Variants in ATG7 observed in about 807,000 individuals in gnomAD.
ATG7 encodes the protein ubiquitin-like modifier-activating enzyme ATG7.
In ATG7, 70 loss-of-function variants were observed where a neutral mutation model predicts 82.4. The observed-to-expected ratio is 0.85, with a 90% CI of 0.70 to 1.04. The LOEUF is 1.04. Ranked by LOEUF, ATG7 falls within the 50% of genes least tolerant of loss-of-function variation. ATG7 has a pLI of 0.00. For missense variants in ATG7, 792 were observed against 864.3 expected (o/e 0.92, Z 1.05); for synonymous variants, 287 against 313.0 (o/e 0.92, Z 0.88).
chr3:11,573,216 G>A, the ATG7 span, among the ~76,000 whole-genome samples: 2 of 145,766 alleles, frequency 1.4e-5, no homozygotes, highest in Admixed American at 1.4e-4. Context: ...AAGAGAGAGA[G>A]AGAAAGACAG....
chr3:11,539,128 C>G (rs975767074), intron 20 of ATG7, among the ~76,000 whole-genome samples: 1 of 150,400 alleles, frequency 6.6e-6, no homozygotes, highest in Non-Finnish European at 1.5e-5. Context: ...AAGTTGTGTT[C>G]TCCATCATTG....
chr3:11,372,815 T>TGCGCGCGTGTGCGTGTGTGTGC (rs1286965295), intron 18 of ATG7, among the ~76,000 whole-genome samples: 4 of 79,870 alleles, frequency 5.0e-5, no homozygotes, highest in Non-Finnish European at 5.8e-5. Flanking sequence ...TGTGTGTGTG[T>TGCGCGCGTGTGCGTGTGTGTGC]GCGCGCGTGT....
At chr3:11,559,265 C>T (rs2072743016), downstream of ATG7, 19 of 1,466,214 alleles carry the variant, frequency 1.3e-5, no homozygotes, top group South Asian at 2.5e-4. Context: ...CAGCCAACAG[C>T]ATGACAGAGA....
chr3:11,313,096 G>A (rs926261865), intron 7 of ATG7, among the ~76,000 whole-genome samples: 1 of 152,182 alleles, frequency 6.6e-6, no homozygotes, highest in African/African-American at 2.4e-5. Flanking sequence ...CATATTATTA[G>A]TGGTGGTATA....
At chr3:11,465,269 A>G (rs2086715366) in intron 20 of ATG7, among the ~76,000 whole-genome samples, 1 of 151,612 alleles carries the variant, frequency 6.6e-6, no homozygotes, top group Non-Finnish European at 1.5e-5. Context: ...ACACGGTGAA[A>G]CCCCATCTCT....
chr3:11,298,956 A>G, intron 4 of ATG7, 101 bp downstream of exon 4: 9 of 1,303,480 alleles, frequency 6.9e-6, no homozygotes, highest in Non-Finnish European at 9.6e-6. Context: ...CTTGTCTTTT[A>G]TAATCAGTGC....
the ATG7 span, among the ~76,000 whole-genome samples, chr3:11,572,447 G>A: frequency 6.6e-6 from 1 of 152,178 alleles, no homozygotes; most frequent in African/African-American, 2.4e-5. Flanking sequence ...TCTCATATTT[G>A]CTTCGGGCCT....
At chr3:11,289,273 A>G (rs536617142) in intron 3 of ATG7, among the ~76,000 whole-genome samples, 1 of 152,140 alleles carries the variant, frequency 6.6e-6, no homozygotes, top group South Asian at 2.1e-4. Flanking sequence ...CACATGAATA[A>G]CTCTGTCTAT....
chr3:11,492,995 G>T (rs886133940), intron 20 of ATG7, among the ~76,000 whole-genome samples: 1 of 152,262 alleles, frequency 6.6e-6, no homozygotes, highest in African/African-American at 2.4e-5. Flanking sequence ...GTCACATGGG[G>T]CAGATGCCCT....
intron 18 of ATG7, among the ~76,000 whole-genome samples, chr3:11,369,184 C>T (rs1190342685): frequency 1.3e-5 from 2 of 151,066 alleles, no homozygotes; most frequent in East Asian, 3.9e-4. Flanking sequence ...TTCAGAAATA[C>T]TTATCTCAGT....
intron 1 of ATG7, among the ~76,000 whole-genome samples, chr3:11,279,816 T>A (rs1942680021): frequency 6.6e-6 from 1 of 152,218 alleles, no homozygotes; most frequent in African/African-American, 2.4e-5. Flanking sequence ...TATAACATTC[T>A]GTACAAACGC....
At chr3:11,405,399 G>A (rs775755382) in intron 19 of ATG7, among the ~76,000 whole-genome samples, 1 of 152,078 alleles carries the variant, frequency 6.6e-6, no homozygotes, top group Non-Finnish European at 1.5e-5. Context: ...AAGTTGAAAT[G>A]CCAAAAAGCT....
rs182887425 is a variant in ATG7, at chr3:11,359,103, T to C, written c.1479+491T>C. ...GTATATATTTTATACCAATTATGTT[T>C]ATATATAAACATTGATATGTATTTT... On this transcript the variant is annotated intron_variant, in intron 15 of 20. Transcript: ENST00000693202. Among the ~76,000 whole-genome samples, 5 of 152,300 alleles carry C rather than the reference T, an allele frequency of 3.3e-5. No homozygotes were observed. In the East Asian group the frequency reaches 9.6e-4, roughly 29 times the overall value.
intron 20 of ATG7, among the ~76,000 whole-genome samples, chr3:11,435,225 A>C (rs1377106187): frequency 6.6e-6 from 1 of 152,198 alleles, no homozygotes; most frequent in African/African-American, 2.4e-5. Flanking sequence ...GCAGATTTTG[A>C]GATTTACATC....
chr3:11,357,851 A>G (rs1265410365), intron 14 of ATG7, among the ~76,000 whole-genome samples: 1 of 151,936 alleles, frequency 6.6e-6, no homozygotes, highest in Non-Finnish European at 1.5e-5. Flanking sequence ...TCTACTAAAA[A>G]TTAAAAAATC....
At chr3:11,464,489 G>C (rs1197395935) in intron 20 of ATG7, among the ~76,000 whole-genome samples, 1 of 152,226 alleles carries the variant, frequency 6.6e-6, no homozygotes, top group Non-Finnish European at 1.5e-5. Flanking sequence ...GGGGGAGGCT[G>C]AACATTCTTA....
At chr3:11,390,075 T>C (rs1286081689) in intron 19 of ATG7, among the ~76,000 whole-genome samples, 4 of 152,246 alleles carry the variant, frequency 2.6e-5, no homozygotes, top group Admixed American at 2.6e-4. Context: ...TTACTCATTG[T>C]TGTGTTGAAA....
At chr3:11,402,441 A>G (rs1576120737) in intron 19 of ATG7, among the ~76,000 whole-genome samples, 1 of 152,116 alleles carries the variant, frequency 6.6e-6, no homozygotes, top group Admixed American at 6.5e-5. Context: ...TCAAAAAATA[A>G]ATTAAAAAAA....
chr3:11,573,242 ATAG>A, the ATG7 span, among the ~76,000 whole-genome samples: 65 of 46,946 alleles, frequency 1.4e-3, no homozygotes, highest in African/African-American at 0.015. Flanking sequence ...AAGAAAAGAA[ATAG>A]AGAAAGAAAG....
Sources: gnomAD v4.1 joint callset for allele counts (sites outside exome capture counted in the v4.1 genomes callset) on GRCh38, gnomAD v4.1.1 for gene constraint, MANE v1.5 for transcripts, NCBI Gene and HGNC (gene_info 2026-07-23, HGNC 2026-07-21) for gene names.